The following TMEM207 variants were observed in gnomAD, a reference collection of about 807,000 sequenced individuals.
TMEM207 encodes the protein SRSR846.
A neutral mutation model predicts 17.4 loss-of-function variants in TMEM207; 15 were observed. The ratio of observed to expected loss-of-function variants is 0.86; its 90% CI spans 0.58 to 1.33. The LOEUF (loss-of-function observed/expected upper bound fraction) is 1.33, where lower values mean the gene tolerates loss of function less well. Among genes scored for constraint, TMEM207 ranks in the 40% most tolerant of loss-of-function variants. The probability of loss-of-function intolerance (pLI) is 0.00; values close to 1 mark genes in which losing one functional copy is unlikely to be tolerated. For missense variants in TMEM207, 205 were observed against 173.8 expected, an observed-to-expected ratio of 1.18 and a Z score of -1.01; for synonymous variants, 70 against 65.6, an observed-to-expected ratio of 1.07 and a Z score of -0.33.
intron 2 of TMEM207, among the ~76,000 whole-genome samples, chr3:190,445,510 G>A (rs1720025433): frequency 6.6e-6 from 1 of 152,178 alleles, no homozygotes; most frequent in African/African-American, 2.4e-5. Flanking sequence ...ATTTAAATAG[G>A]GAATAATAAA....
chr3:190,441,622 C>T (rs551071659), intron 2 of TMEM207, 140 bp from the exon 3 acceptor site: 47 of 639,528 alleles, frequency 7.3e-5, no homozygotes, highest in South Asian at 6.3e-4. Context: ...CATATCGTCC[C>T]GCACCCAGCA....
At chr3:190,439,155 C>T (rs548465181) in intron 4 of TMEM207, among the ~76,000 whole-genome samples, 136 of 126,260 alleles carry the variant, frequency 1.1e-3, no homozygotes, top group Admixed American at 3.3e-3. Flanking sequence ...CCCGCCTGGG[C>T]GACAGAGCGA....
At position 190,449,730 on chromosome 3, in the gene TMEM207, GT is replaced by G; in HGVS notation, c.75+4del. On this transcript the variant is annotated splice_donor_region_variant and intron_variant, in intron 1 of 4. Transcript: ENST00000354905. ...AAACCTTAACCCAGAAAGAGAGATA[GT>G]TACCTGGAATAGCGGCAAACACAAG... The G allele has an allele frequency of 6.2e-7, 1 of 1,613,624 alleles. No individual in the cohort carries two copies. The highest frequency in any genetic ancestry group is 8.5e-7 in the Non-Finnish European group (1 of 1,179,652).
At chr3:190,432,665 G>GCTCCCTCC (rs1719716261) in intron 4 of TMEM207, among the ~76,000 whole-genome samples, 1 of 152,146 alleles carries the variant, frequency 6.6e-6, no homozygotes, top group Admixed American at 6.6e-5. Flanking sequence ...AGACTGGAGG[G>GCTCCCTCC]AGAAGAGAGC....
rs566055252 is a variant in TMEM207, at chr3:190,442,588, C to T, written c.114-1106G>A. On this transcript the variant is annotated intron_variant, in intron 2 of 4. Coordinates refer to ENST00000354905, the MANE Select transcript of TMEM207 (RefSeq NM_207316.3). ...ATTCCCCTCCACATATAAATCTCTG[C>T]GTCTTTTTCTTTTGTCTGTTTTCTG... Among the ~76,000 whole-genome samples the T allele has an allele frequency of 1.1e-4, 17 of 152,188 alleles. No individual in the cohort carries two copies. In the South Asian group the frequency reaches 1.2e-3, roughly 11 times the overall value.
chr3:190,433,937 C>A (rs748701047), intron 4 of TMEM207, among the ~76,000 whole-genome samples: 1 of 152,154 alleles, frequency 6.6e-6, no homozygotes, highest in Non-Finnish European at 1.5e-5. Flanking sequence ...CCACTCTCTT[C>A]CTCCTGGCCC....
At chr3:190,441,617 C>G in intron 2 of TMEM207, 135 bp from the exon 3 acceptor site, 2 of 653,324 alleles carry the variant, frequency 3.1e-6, no homozygotes, top group South Asian at 1.9e-5. Context: ...CAGCCCATAT[C>G]GTCCCGCACC....
At chr3:190,434,143 G>A (rs2108532488) in intron 4 of TMEM207, among the ~76,000 whole-genome samples, 1 of 152,184 alleles carries the variant, frequency 6.6e-6, no homozygotes, top group South Asian at 2.1e-4. Flanking sequence ...ACTAACACAG[G>A]AAGTCTTCTG....
intron 4 of TMEM207, among the ~76,000 whole-genome samples, chr3:190,434,975 T>G (rs140100570): frequency 4.7e-4 from 71 of 152,334 alleles, no homozygotes; most frequent in African/African-American, 1.6e-3. Context: ...CCTTAAAATA[T>G]CTCTGATTTT....
chr3:190,442,902 G>A (rs544893629), intron 2 of TMEM207, among the ~76,000 whole-genome samples: 144 of 152,040 alleles, frequency 9.5e-4, no homozygotes, highest in African/African-American at 3.1e-3. Flanking sequence ...CAATGATTTC[G>A]CCAAAATTAC....
intron 1 of TMEM207, among the ~76,000 whole-genome samples, chr3:190,448,395 A>G (rs1233999923): frequency 1.3e-5 from 2 of 152,144 alleles, no homozygotes; most frequent in African/African-American, 4.8e-5. Flanking sequence ...GAAGAGAAAA[A>G]AAGTAATCAT....
chr3:190,430,760 A>G (rs1181389756), intron 4 of TMEM207, among the ~76,000 whole-genome samples: 6 of 152,236 alleles, frequency 3.9e-5, no homozygotes, highest in Admixed American at 3.3e-4. Flanking sequence ...TTGCACTACC[A>G]TGGCAGAGGT....
At chr3:190,436,894 T>C (rs1719813023) in intron 4 of TMEM207, among the ~76,000 whole-genome samples, 1 of 152,160 alleles carries the variant, frequency 6.6e-6, no homozygotes, top group Admixed American at 6.5e-5. Context: ...GGGCATCTTA[T>C]CCACATCAAA....
At chr3:190,441,034 A>G (rs1237661945) in intron 3 of TMEM207, among the ~76,000 whole-genome samples, 2 of 152,120 alleles carry the variant, frequency 1.3e-5, no homozygotes. Context: ...GCGCCACTGC[A>G]CTGCAGCCTG....
At chr3:190,443,361 T>G (rs575365597) in intron 2 of TMEM207, among the ~76,000 whole-genome samples, 422 of 152,294 alleles carry the variant, frequency 2.8e-3, no homozygotes, top group Non-Finnish European at 4.5e-3. Context: ...TCTATTTTTT[T>G]TTCTTCCTGG....
chr3:190,445,910 A>T (rs1023749348), intron 2 of TMEM207, among the ~76,000 whole-genome samples: 5 of 152,148 alleles, frequency 3.3e-5, no homozygotes, highest in African/African-American at 1.2e-4. Context: ...GTTGATTAAT[A>T]CATATGTTTT....
At chr3:190,443,844 A>C (rs1719988671) in intron 2 of TMEM207, among the ~76,000 whole-genome samples, 1 of 152,214 alleles carries the variant, frequency 6.6e-6, no homozygotes, top group African/African-American at 2.4e-5. Flanking sequence ...GATTATGGTA[A>C]AAAGAAAATC....
chr3:190,442,553 AGAT>A (rs1211795998), intron 2 of TMEM207, among the ~76,000 whole-genome samples: 1 of 152,224 alleles, frequency 6.6e-6, no homozygotes, highest in African/African-American at 2.4e-5. Context: ...CCCAGCCTAC[AGAT>A]GATTTCATTC....
intron 3 of TMEM207, among the ~76,000 whole-genome samples, chr3:190,441,048 G>A (rs1396707707): frequency 6.6e-6 from 1 of 151,944 alleles, no homozygotes; most frequent in Non-Finnish European, 1.5e-5. Context: ...CAGCCTGGGC[G>A]ACAGAGCAAA....
Sources: gnomAD v4.1 joint callset for allele counts (sites outside exome capture counted in the v4.1 genomes callset) on GRCh38, gnomAD v4.1.1 for gene constraint, MANE v1.5 for transcripts, NCBI Gene and HGNC (gene_info 2026-07-23, HGNC 2026-07-21) for gene names.